The following FRMD3 variants were observed in gnomAD, a reference collection of about 807,000 sequenced individuals.
FRMD3 encodes FERM domain containing 3.
Under a neutral mutation model 70.2 loss-of-function variants are expected in FRMD3, and 33 were observed. The observed-to-expected ratio is 0.47, with a 90% CI of 0.36 to 0.63. The LOEUF (loss-of-function observed/expected upper bound fraction) is 0.63. Among genes scored for constraint, FRMD3 ranks in the 20% least tolerant of loss-of-function variants. The pLI, the probability that FRMD3 is intolerant of heterozygous loss-of-function variation, is 0.00. For missense variants in FRMD3, 632 were observed against 711.4 expected (o/e 0.89, Z 1.27); for synonymous variants, 279 against 255.9 (o/e 1.09, Z -0.86).
At position 83,455,467 on chromosome 9, in the gene FRMD3, G is replaced by A. The variant is rs190066364; in HGVS notation, c.148-65759C>T. Among the ~76,000 whole-genome samples the A allele has an allele frequency of 5.9e-5, 9 of 152,230 alleles. No individual in the cohort carries two copies. The East Asian group carries it at 1.7e-3, about 29-fold the overall frequency. ...ACGTGCTCTGATGGGCTTATCAGGGGTTGCCACTTTTGCTTCTTCCTCATT... is the reference window on the plus strand; with the variant it reads ...ACGTGCTCTGATGGGCTTATCAGGGATTGCCACTTTTGCTTCTTCCTCATT... On this transcript the variant is annotated intron_variant, in intron 1 of 13. Coordinates refer to ENST00000304195, the MANE Select transcript of FRMD3 (RefSeq NM_174938.6).
chr9:83,457,786 T>A (rs1827859542), intron 1 of FRMD3, among the ~76,000 whole-genome samples: 1 of 152,074 alleles, frequency 6.6e-6, no homozygotes, highest in Non-Finnish European at 1.5e-5. Context: ...GACCTGATCT[T>A]GAGTGTTCTC....
chr9:83,349,804 T>G, intron 3 of FRMD3, 47 bp from the exon 4 acceptor site: 2 of 1,449,122 alleles, frequency 1.4e-6, no homozygotes, highest in Non-Finnish European at 1.9e-6. Flanking sequence ...CAAAAGACCA[T>G]GGCCTCAAAC....
At chr9:83,367,201 A>T (rs931247387) in intron 3 of FRMD3, among the ~76,000 whole-genome samples, 1 of 152,218 alleles carries the variant, frequency 6.6e-6, no homozygotes, top group Non-Finnish European at 1.5e-5. Context: ...GAAACAAAAA[A>T]TGGATCAACA....
the FRMD3 span, among the ~76,000 whole-genome samples, chr9:83,585,632 T>C: frequency 0.32 from 48,444 of 152,054 alleles, 8,511 homozygotes; most frequent in Non-Finnish European, 0.38. Flanking sequence ...CAAGAAACGC[T>C]ATGTAGAGAG....
chr9:83,493,028 C>G (rs943250092), intron 1 of FRMD3, among the ~76,000 whole-genome samples: 1 of 152,110 alleles, frequency 6.6e-6, no homozygotes, highest in African/African-American at 2.4e-5. Flanking sequence ...AATGATCCTT[C>G]TAGAATCCCT....
chr9:83,428,524 CAT>C (rs919619771), intron 1 of FRMD3, among the ~76,000 whole-genome samples: 1 of 151,400 alleles, frequency 6.6e-6, no homozygotes, highest in Non-Finnish European at 1.5e-5. Context: ...CACACACACA[CAT>C]ATATATACAT....
intron 6 of FRMD3, among the ~76,000 whole-genome samples, chr9:83,324,134 G>A (rs1256767638): frequency 6.6e-6 from 1 of 152,220 alleles, no homozygotes; most frequent in Non-Finnish European, 1.5e-5. Flanking sequence ...ACCTATGGCT[G>A]TATGTATCAC....
intron 4 of FRMD3, among the ~76,000 whole-genome samples, chr9:83,344,152 T>C (rs1823871349): frequency 6.6e-6 from 1 of 152,226 alleles, no homozygotes; most frequent in African/African-American, 2.4e-5. Flanking sequence ...CTCTTCCAAT[T>C]TCCTCATCTT....
chr9:83,394,725 C>A (rs575898934), intron 1 of FRMD3, among the ~76,000 whole-genome samples: 1 of 152,272 alleles, frequency 6.6e-6, no homozygotes, highest in South Asian at 2.1e-4. Context: ...GGATTTACCC[C>A]TTTACACCCT....
At chr9:83,336,287 G>T (rs945520618) in intron 5 of FRMD3, among the ~76,000 whole-genome samples, 3 of 151,954 alleles carry the variant, frequency 2.0e-5, no homozygotes, top group Admixed American at 1.3e-4. Context: ...AAAACATCAG[G>T]TTGTATACCA....
At chr9:83,361,452 C>T (rs1383354339) in intron 3 of FRMD3, among the ~76,000 whole-genome samples, 1 of 152,154 alleles carries the variant, frequency 6.6e-6, no homozygotes, top group Non-Finnish European at 1.5e-5. Context: ...ACTCTGGAGG[C>T]AGGGTTACAG....
chr9:83,247,604 G>A lies in FRMD3; in HGVS notation c.*314C>T, dbSNP rs1832170181. 3.9e-6 allele frequency: 4 copies of A among 1,037,176 alleles called. No homozygotes were observed. Among genetic ancestry groups the A allele is most frequent in the South Asian group, 3.9e-5 (1 of 25,876 alleles). The allele number at this position is 1,037,176 out of a possible 1,614,324, so 64.2% of individuals were successfully genotyped here. On this transcript the variant is annotated 3_prime_UTR_variant, in exon 14 of 14. Transcript: ENST00000304195. ...TAATGGTGCCAACTATTAGAAATGG[G>A]AAAATCTAATTCAGTCCAATGTAAC...
At chr9:83,496,251 A>C (rs1274326991) in intron 1 of FRMD3, among the ~76,000 whole-genome samples, 1 of 152,248 alleles carries the variant, frequency 6.6e-6, no homozygotes, top group Non-Finnish European at 1.5e-5. Flanking sequence ...TAACTGTATA[A>C]ATAGTATGAG....
chr9:83,360,971 T>C (rs1824564439), intron 3 of FRMD3, among the ~76,000 whole-genome samples: 1 of 152,222 alleles, frequency 6.6e-6, no homozygotes, highest in Non-Finnish European at 1.5e-5. Flanking sequence ...AAAATTTTGA[T>C]GAACAGTTGA....
chr9:83,255,782 CA>C (rs1359599270), intron 13 of FRMD3, among the ~76,000 whole-genome samples: 1 of 151,930 alleles, frequency 6.6e-6, no homozygotes, highest in African/African-American at 2.4e-5. Context: ...AAAATTGCTG[CA>C]AAAAGAATAA....
intron 1 of FRMD3, among the ~76,000 whole-genome samples, chr9:83,486,470 G>A: frequency 6.6e-6 from 1 of 152,120 alleles, no homozygotes; most frequent in East Asian, 1.9e-4. Flanking sequence ...TATGTATTTA[G>A]TTTATATCTT....
chr9:83,494,591 T>G (rs1365044940), intron 1 of FRMD3, among the ~76,000 whole-genome samples: 1 of 152,212 alleles, frequency 6.6e-6, no homozygotes, highest in African/African-American at 2.4e-5. Context: ...CACATGTTCC[T>G]TTTAGAATGT....
chr9:83,507,738 A>ATCTATCT (rs1829235136), intron 1 of FRMD3, among the ~76,000 whole-genome samples: 2 of 112,446 alleles, frequency 1.8e-5, no homozygotes, highest in Non-Finnish European at 3.7e-5. Flanking sequence ...ATATATATAT[A>ATCTATCT]TCTTCTGGAA....
the FRMD3 span, among the ~76,000 whole-genome samples, chr9:83,582,586 C>A: frequency 6.6e-6 from 1 of 152,196 alleles, no homozygotes; most frequent in South Asian, 2.1e-4. Context: ...TAACTACAAT[C>A]TTGGATGAGG....
Sources: gnomAD v4.1 joint callset for allele counts (sites outside exome capture counted in the v4.1 genomes callset) on GRCh38, gnomAD v4.1.1 for gene constraint, MANE v1.5 for transcripts, NCBI Gene and HGNC (gene_info 2026-07-23, HGNC 2026-07-21) for gene names.